IMMP2L: variants seen among roughly 807,000 people sequenced by gnomAD.
The protein encoded by IMMP2L is mitochondrial inner membrane protease subunit 2.
In IMMP2L, 18 loss-of-function variants were observed where a neutral mutation model predicts 19.3. The observed-to-expected ratio is 0.93, with a 90% CI of 0.64 to 1.38. IMMP2L has a LOEUF of 1.38. IMMP2L is among the 40% of genes most tolerant of loss of function. IMMP2L has a pLI of 0.00. For missense variants in IMMP2L, 233 were observed against 218.2 expected (o/e 1.07, Z -0.43); for synonymous variants, 76 against 73.0 (o/e 1.04, Z -0.21).
intron 5 of IMMP2L, among the ~76,000 whole-genome samples, chr7:110,776,582 T>C (rs1799403865): frequency 6.6e-6 from 1 of 152,104 alleles, no homozygotes; most frequent in Admixed American, 6.6e-5. Flanking sequence ...TCCTTAAAGC[T>C]AATTGTTGAA....
chr7:111,195,827 T>TTTC (rs1562912427), intron 3 of IMMP2L, among the ~76,000 whole-genome samples: 496 of 47,056 alleles, frequency 0.011, 2 homozygotes, highest in African/African-American at 0.019. Flanking sequence ...TATTTTATTT[T>TTTC]ATTTCATTTC....
At chr7:110,798,131 T>G (rs896050389) in intron 5 of IMMP2L, among the ~76,000 whole-genome samples, 2 of 151,926 alleles carry the variant, frequency 1.3e-5, no homozygotes, top group Non-Finnish European at 2.9e-5. Flanking sequence ...TATAAAATAT[T>G]TTCTTCTTTG....
chr7:110,801,390 G>T (rs10277741), intron 5 of IMMP2L, among the ~76,000 whole-genome samples: 1 of 151,950 alleles, frequency 6.6e-6, no homozygotes, highest in South Asian at 2.1e-4. Flanking sequence ...CCTCTGTCTC[G>T]AAACTAGATT....
At chr7:110,678,736 ATGC>A (rs1433058053) in intron 5 of IMMP2L, among the ~76,000 whole-genome samples, 1 of 152,132 alleles carries the variant, frequency 6.6e-6, no homozygotes, top group Non-Finnish European at 1.5e-5. Flanking sequence ...GCTCTAAAGG[ATGC>A]TGCTGACTTC....
chr7:110,904,971 C>A lies in IMMP2L; in HGVS notation c.306-18276G>T, dbSNP rs536637754. On this transcript the variant is annotated intron_variant, in intron 4 of 5. Transcript: ENST00000405709. Reference sequence around the variant, plus strand: ...GATAATAAATGCTTACAATTATATTCTTTTCATGGTTACAAAATACCACTT... The same window carrying A: ...GATAATAAATGCTTACAATTATATTATTTTCATGGTTACAAAATACCACTT... Among the ~76,000 whole-genome samples the A allele has an allele frequency of 1.5e-4, 23 of 152,256 alleles. 1 individual carries two copies. Among genetic ancestry groups the A allele is most frequent in the South Asian group, 1.0e-3 (5 of 4,822 alleles).
At chr7:111,051,786 T>C (rs557716993) in intron 3 of IMMP2L, among the ~76,000 whole-genome samples, 3 of 152,328 alleles carry the variant, frequency 2.0e-5, no homozygotes, top group South Asian at 2.1e-4. Flanking sequence ...AGAATCATGA[T>C]TGATTCTATC....
intron 3 of IMMP2L, among the ~76,000 whole-genome samples, chr7:111,195,508 CTT>C (rs1291406207): frequency 6.6e-6 from 1 of 152,056 alleles, no homozygotes; most frequent in Non-Finnish European, 1.5e-5. Flanking sequence ...AATCATGTCT[CTT>C]TATCAATTGC....
At chr7:111,117,934 G>A (rs1175901600) in intron 3 of IMMP2L, among the ~76,000 whole-genome samples, 2 of 152,024 alleles carry the variant, frequency 1.3e-5, no homozygotes, top group Non-Finnish European at 1.5e-5. Context: ...TTGTTCTTAA[G>A]CTTTAGCATT....
At chr7:111,126,567 A>G (rs1217679796) in intron 3 of IMMP2L, among the ~76,000 whole-genome samples, 1 of 152,156 alleles carries the variant, frequency 6.6e-6, no homozygotes, top group Non-Finnish European at 1.5e-5. Context: ...CTGGAAACCC[A>G]CAGCTTAAAA....
At chr7:110,946,428 C>A (rs1817256939) in intron 4 of IMMP2L, among the ~76,000 whole-genome samples, 2 of 152,220 alleles carry the variant, frequency 1.3e-5, no homozygotes, top group East Asian at 1.9e-4. Context: ...ACTCCCATGT[C>A]TCTATATCTC....
chr7:111,373,926 C>G (rs951969549), intron 3 of IMMP2L, among the ~76,000 whole-genome samples: 3 of 151,844 alleles, frequency 2.0e-5, no homozygotes, highest in African/African-American at 7.3e-5. Flanking sequence ...TATTTTGAAT[C>G]AAATCGAAGT....
chr7:111,057,122 C>T (rs778944345), intron 3 of IMMP2L, among the ~76,000 whole-genome samples: 2 of 151,984 alleles, frequency 1.3e-5, no homozygotes, highest in African/African-American at 4.8e-5. Flanking sequence ...CTTTGGTTGC[C>T]ACCGATAATA....
At chr7:111,318,630 T>C (rs143533523) in intron 3 of IMMP2L, among the ~76,000 whole-genome samples, 1 of 152,202 alleles carries the variant, frequency 6.6e-6, no homozygotes, top group Non-Finnish European at 1.5e-5. Context: ...TGAGGTGCAA[T>C]GGCAAACTTG....
intron 3 of IMMP2L, among the ~76,000 whole-genome samples, chr7:111,253,850 G>A (rs1158048598): frequency 1.3e-5 from 2 of 152,122 alleles, no homozygotes; most frequent in Non-Finnish European, 2.9e-5. Flanking sequence ...GAAAACCATG[G>A]CCAGGAAGAG....
intron 3 of IMMP2L, among the ~76,000 whole-genome samples, chr7:111,035,219 C>T (rs1419979446): frequency 6.6e-6 from 1 of 152,060 alleles, no homozygotes; most frequent in Non-Finnish European, 1.5e-5. Context: ...AAAACTTTGA[C>T]CAATAACACT....
intron 5 of IMMP2L, among the ~76,000 whole-genome samples, chr7:110,859,175 A>G (rs1326073575): frequency 2.0e-5 from 3 of 152,088 alleles, no homozygotes; most frequent in African/African-American, 7.2e-5. Context: ...TTGTGATAAA[A>G]ATGAGAGTGC....
intron 5 of IMMP2L, among the ~76,000 whole-genome samples, chr7:110,671,487 A>ATATC (rs1393194981): frequency 6.6e-6 from 1 of 152,206 alleles, no homozygotes; most frequent in Admixed American, 6.5e-5. Flanking sequence ...GTGATCCAGG[A>ATATC]TATCAGTCAA....
intron 5 of IMMP2L, among the ~76,000 whole-genome samples, chr7:110,702,932 G>A (rs12530706): frequency 0.85 from 128,725 of 151,998 alleles, 54,775 homozygotes; most frequent in Non-Finnish European, 0.89. Flanking sequence ...AAAACCTTCA[G>A]TACAACACTG....
At chr7:111,546,835 T>C (rs1452516092) in intron 1 of IMMP2L, among the ~76,000 whole-genome samples, 1 of 152,148 alleles carries the variant, frequency 6.6e-6, no homozygotes, top group African/African-American at 2.4e-5. Flanking sequence ...GGAAAATTTA[T>C]AGAGGCCACT....
Sources: gnomAD v4.1 joint callset for allele counts (sites outside exome capture counted in the v4.1 genomes callset) on GRCh38, gnomAD v4.1.1 for gene constraint, MANE v1.5 for transcripts, NCBI Gene and HGNC (gene_info 2026-07-23, HGNC 2026-07-21) for gene names.